The following ZNF724 variants were observed in gnomAD, a reference collection of about 807,000 sequenced individuals.
The protein encoded by ZNF724 is zinc finger protein 724, also known as zinc finger protein 724 pseudogene.
Under a neutral mutation model 29.3 loss-of-function variants are expected in ZNF724, and 14 were observed. The observed-to-expected ratio is 0.48, with a 90% CI of 0.32 to 0.75. The LOEUF (loss-of-function observed/expected upper bound fraction) is 0.75. Among genes scored for constraint, ZNF724 ranks in the 30% least tolerant of loss-of-function variants. The pLI is 0.04. For missense variants in ZNF724, 557 were observed against 571.2 expected (o/e 0.98, Z 0.25); for synonymous variants, 180 against 193.6 (o/e 0.93, Z 0.58).
At chr19:23,229,456 G>A (rs1490992180) in intron 3 of ZNF724, among the ~76,000 whole-genome samples, 8 of 152,126 alleles carry the variant, frequency 5.3e-5, no homozygotes, top group Non-Finnish European at 1.2e-4. Flanking sequence ...AACCTACACA[G>A]TGACCTGGCA....
intron 1 of ZNF724, among the ~76,000 whole-genome samples, chr19:23,238,729 C>T (rs1365972419): frequency 6.6e-6 from 1 of 152,046 alleles, no homozygotes; most frequent in Non-Finnish European, 1.5e-5. Context: ...GCCATCATGG[C>T]GAAACCCTGT....
chr19:23,222,150 G>T lies in ZNF724; in HGVS notation c.*235C>A. The stretch of plus-strand genomic sequence containing the variant: ...TGCCACATTCTTCACACTTGTAGAG[G>T]TTTCCTCTACTATATTTTACCTACA... On this transcript the variant is annotated 3_prime_UTR_variant, in exon 4 of 4. Coordinates refer to ENST00000418100, the MANE Select transcript of ZNF724 (RefSeq NM_001355404.2). The T allele has an allele frequency of 5.3e-5, 19 of 361,200 alleles. No homozygotes were observed. The highest frequency in any genetic ancestry group is 1.5e-4 in the South Asian group (3 of 19,684). The allele number at this position is 361,200 out of a possible 1,614,324, so 22.4% of individuals were successfully genotyped here.
rs1170979404 is a variant in ZNF724, at chr19:23,222,491, G to A, written c.1754C>T (p.Thr585Ile). The change falls in exon 4 of 4, where the codon ACT becomes ATT. Residue 585 changes from threonine to isoleucine, a missense_variant. Physicochemically the swap from Thr to Ile is moderately conservative, Grantham distance 89. This residue lies in a region of ZNF724 where 170 missense variants were observed against 220.7 expected (regional missense o/e 0.77). Transcript: ENST00000418100. ...STLTKHKVIHTGEKPYKCKEC... is the reference protein window; with the variant it reads ...STLTKHKVIHIGEKPYKCKEC... ...TTTACATTTGTAGGGTTTCTCTCCA[G>A]TATGAATTACCTTATGTTTAGTCAG... is the stretch of plus-strand genomic sequence containing the variant. The A allele has an allele frequency of 3.8e-6, 5 of 1,309,326 alleles. No individual in the cohort carries two copies. The East Asian group carries it at 1.2e-4, about 30-fold the overall frequency. The allele number at this position is 1,309,326 out of a possible 1,614,324, so 81.1% of individuals were successfully genotyped here. A position where few individuals can be genotyped will look rare whatever the true frequency, so the allele number is the denominator to read the frequency against.
chr19:23,226,001 C>G (rs369794118), intron 3 of ZNF724, among the ~76,000 whole-genome samples: 12 of 151,970 alleles, frequency 7.9e-5, no homozygotes, highest in African/African-American at 2.7e-4. Context: ...ACAGGCGCAC[C>G]CCACCCCATG....
chr19:23,228,002 C>T (rs1356738468), intron 3 of ZNF724, among the ~76,000 whole-genome samples: 1 of 152,056 alleles, frequency 6.6e-6, no homozygotes, highest in African/African-American at 2.4e-5. Flanking sequence ...GAATTCCTGA[C>T]AAAAATGCCT....
chr19:23,248,685 A>C (rs1972288249), intron 1 of ZNF724, among the ~76,000 whole-genome samples: 1 of 151,804 alleles, frequency 6.6e-6, no homozygotes, highest in Non-Finnish European at 1.5e-5. Flanking sequence ...GGAAATTTGT[A>C]CGTTCAAGGT....
intron 1 of ZNF724, among the ~76,000 whole-genome samples, chr19:23,238,506 GAA>G (rs1234793701): frequency 6.6e-6 from 1 of 152,178 alleles, no homozygotes; most frequent in Non-Finnish European, 1.5e-5. Context: ...GAAAAGCAGA[GAA>G]TATCTACATA....
At chr19:23,227,646 T>G (rs576240305) in intron 3 of ZNF724, among the ~76,000 whole-genome samples, 2 of 151,674 alleles carry the variant, frequency 1.3e-5, no homozygotes. Context: ...AATTAAAGCC[T>G]CTGATATATA....
intron 3 of ZNF724, among the ~76,000 whole-genome samples, chr19:23,224,311 G>A (rs953380464): frequency 6.6e-6 from 1 of 152,100 alleles, no homozygotes; most frequent in Non-Finnish European, 1.5e-5. Flanking sequence ...TACTCAGGAG[G>A]CTGAGGCAGA....
rs76039937 is a variant in ZNF724 at position 23,240,899 on chromosome 19, G to A, written c.4-8606C>T. On this transcript the variant is annotated intron_variant, in intron 1 of 3. Transcript: ENST00000418100. ...ATACAAAAATTAGGCCAGGTGTGGC[G>A]GCATATGCCTGTAATCCCAGCTACT... Among the ~76,000 whole-genome samples, 964 of 151,954 alleles carry A rather than the reference G, an allele frequency of 6.3e-3. 22 individuals are homozygous for A. In the East Asian group the frequency reaches 0.065, roughly 10 times the overall value.
At chr19:23,243,868 A>G (rs1359561156) in intron 1 of ZNF724, among the ~76,000 whole-genome samples, 1 of 151,352 alleles carries the variant, frequency 6.6e-6, no homozygotes, top group African/African-American at 2.4e-5. Context: ...GGCTGCAGTG[A>G]GCCGAGATCA....
intron 1 of ZNF724, among the ~76,000 whole-genome samples, chr19:23,240,146 T>A (rs1800784451): frequency 2.0e-5 from 3 of 151,832 alleles, no homozygotes; most frequent in South Asian, 2.1e-4. Context: ...TGAAACCCCC[T>A]CTGTACTAAA....
chr19:23,231,474 A>G (rs1971933242), intron 2 of ZNF724, 113 bp from the exon 3 acceptor site: 1 of 806,070 alleles, frequency 1.2e-6, no homozygotes, highest in Non-Finnish European at 1.8e-6. Flanking sequence ...TACAAATTTA[A>G]AACAAATTTC....
chr19:23,226,519 T>G (rs908890346), intron 3 of ZNF724, among the ~76,000 whole-genome samples: 1 of 152,218 alleles, frequency 6.6e-6, no homozygotes, highest in Non-Finnish European at 1.5e-5. Context: ...TTATGTCATC[T>G]GTTTTTACAA....
chr19:23,231,089 G>C (rs1971927061), intron 3 of ZNF724, 177 bp downstream of exon 3: 1 of 406,838 alleles, frequency 2.5e-6, no homozygotes, highest in Admixed American at 4.3e-5. Context: ...CTCCATGTTG[G>C]TCAGGCTGGT....
intron 1 of ZNF724, among the ~76,000 whole-genome samples, chr19:23,241,934 A>T (rs992695857): frequency 1.1e-4 from 16 of 152,334 alleles, no homozygotes; most frequent in African/African-American, 3.8e-4. Flanking sequence ...GGAAGGGAGG[A>T]AATCAAACTA....
In ZNF724 at chr19:23,231,302, T is replaced by C; in HGVS notation, c.190A>G (p.Asn64Asp). ...GCCACCATCTCATGTCTCTCCATAT[T>C]CCAGGGCTCTTTGCCTTGCTCCAGA... ...TCLEQGKEPW[N>D]MERHEMVAKP... Residue 64 changes from asparagine to aspartate, a missense_variant, in exon 3 of 4, where the codon AAT becomes GAT. Asn to Asp is a conservative substitution (Grantham distance 23, BLOSUM62 1). Coordinates refer to ENST00000418100, the MANE Select transcript of ZNF724 (RefSeq NM_001355404.2). 1.4e-6 allele frequency: 2 copies of C among 1,386,874 alleles called. No individual in the cohort carries two copies. Among genetic ancestry groups the C allele is most frequent in the Non-Finnish European group, 2.1e-6 (2 of 975,376 alleles). The allele number at this position is 1,386,874 out of a possible 1,614,324, so 85.9% of individuals were successfully genotyped here. A position where few individuals can be genotyped will look rare whatever the true frequency, so the allele number is the denominator to read the frequency against.
At position 23,221,688 on chromosome 19, in the gene ZNF724, C is replaced by T. The variant is rs1051483137; in HGVS notation, c.*697G>A. 8.5e-5 allele frequency: 13 copies of T among 152,392 alleles called. No homozygotes were observed. The highest frequency in any genetic ancestry group is 2.9e-4 in the African/African-American group (12 of 41,400). 9.4% of individuals were successfully genotyped at this position (152,392 alleles called of 1,614,324 possible). A position where few individuals can be genotyped will look rare whatever the true frequency, so the allele number is the denominator to read the frequency against. ...CTCTGCCTCCCAGGTTCAAGCGATT[C>T]TCCTGTCTCAACCACCGAGTAGCTG... On this transcript the variant is annotated 3_prime_UTR_variant, in exon 4 of 4. Transcript: ENST00000418100.
intron 3 of ZNF724, among the ~76,000 whole-genome samples, chr19:23,227,206 T>C (rs547476426): frequency 4.6e-5 from 7 of 152,212 alleles, no homozygotes; most frequent in African/African-American, 1.7e-4. Flanking sequence ...CTAGAGGTAG[T>C]TTTCATGTTT....
Sources: allele counts gnomAD v4.1 joint callset (sites outside exome capture counted in the v4.1 genomes callset), GRCh38; gene constraint gnomAD v4.1.1; regional missense constraint gnomAD v4.1.1; transcripts MANE v1.5; gene names NCBI Gene and HGNC (gene_info 2026-07-23, HGNC 2026-07-21).